The following BCKDHB variants were observed in gnomAD, a reference collection of about 807,000 sequenced individuals.
BCKDHB encodes the protein 2-oxoisovalerate dehydrogenase subunit beta, mitochondrial.
In BCKDHB, 41 loss-of-function variants were observed where a neutral mutation model predicts 48.5. That is an observed-to-expected ratio of 0.85 (90% CI 0.66 to 1.10). The LOEUF (loss-of-function observed/expected upper bound fraction) is 1.10. Among genes scored for constraint, BCKDHB ranks in the 50% least tolerant of loss-of-function variants. The pLI, the probability that BCKDHB is intolerant of heterozygous loss-of-function variation, is 0.00. For missense variants in BCKDHB, 496 were observed against 494.2 expected (o/e 1.00, Z -0.03); for synonymous variants, 201 against 174.8 (o/e 1.15, Z -1.18).
the BCKDHB span, among the ~76,000 whole-genome samples, chr6:80,432,588 T>C: frequency 4.6e-5 from 7 of 152,186 alleles, no homozygotes; most frequent in Admixed American, 3.9e-4. Flanking sequence ...CTAACCTTTT[T>C]TCAAGGTTCT....
At chr6:80,250,077 G>T (rs1776773526) in intron 8 of BCKDHB, among the ~76,000 whole-genome samples, 1 of 151,974 alleles carries the variant, frequency 6.6e-6, no homozygotes, top group Non-Finnish European at 1.5e-5. Context: ...GTGTGGGCTG[G>T]GTTGCAGCCT....
chr6:80,276,026 C>T (rs1038867761), intron 9 of BCKDHB, among the ~76,000 whole-genome samples: 8 of 152,048 alleles, frequency 5.3e-5, no homozygotes, highest in East Asian at 1.9e-4. Context: ...AAAATGTACA[C>T]GGACAACTCT....
chr6:80,401,891 T>A, the BCKDHB span, among the ~76,000 whole-genome samples: 1 of 151,830 alleles, frequency 6.6e-6, no homozygotes, highest in African/African-American at 2.4e-5. Flanking sequence ...CTATTCATAT[T>A]TTTACAAATG....
chr6:80,295,739 C>T (rs1361866856), intron 9 of BCKDHB, among the ~76,000 whole-genome samples: 1 of 152,026 alleles, frequency 6.6e-6, no homozygotes, highest in Non-Finnish European at 1.5e-5. Flanking sequence ...CAAATACGCT[C>T]CAAATTTTGT....
chr6:80,259,763 G>A (rs1777214694), intron 8 of BCKDHB, among the ~76,000 whole-genome samples: 1 of 152,108 alleles, frequency 6.6e-6, no homozygotes, highest in African/African-American at 2.4e-5. Flanking sequence ...CAATTTATAT[G>A]CTTAATAAAA....
chr6:80,295,472 C>T (rs1199620741), intron 9 of BCKDHB, among the ~76,000 whole-genome samples: 1 of 151,956 alleles, frequency 6.6e-6, no homozygotes, highest in Non-Finnish European at 1.5e-5. Flanking sequence ...AAAAGACATG[C>T]CCCCATGATT....
chr6:80,195,163 AT>A (rs5877699), intron 6 of BCKDHB, among the ~76,000 whole-genome samples: 74 of 150,608 alleles, frequency 4.9e-4, no homozygotes, highest in African/African-American at 1.5e-3. Flanking sequence ...AATTCTACAG[AT>A]TTTTTTTTTG....
At chr6:80,431,846 A>G in the BCKDHB span, among the ~76,000 whole-genome samples, 1 of 152,104 alleles carries the variant, frequency 6.6e-6, no homozygotes, top group African/African-American at 2.4e-5. Context: ...TGTCCTATCC[A>G]TGTTTAGTGC....
the BCKDHB span, among the ~76,000 whole-genome samples, chr6:80,407,649 T>A: frequency 6.6e-6 from 1 of 152,152 alleles, no homozygotes; most frequent in African/African-American, 2.4e-5. Context: ...GCTTTGGCTG[T>A]CTGTTTGTCT....
At chr6:80,447,245 A>T in the BCKDHB span, among the ~76,000 whole-genome samples, 1 of 152,118 alleles carries the variant, frequency 6.6e-6, no homozygotes, top group Non-Finnish European at 1.5e-5. Context: ...GCCTTATTAT[A>T]TACTGTTACT....
chr6:80,459,460 G>C, the BCKDHB span, among the ~76,000 whole-genome samples: 57 of 152,168 alleles, frequency 3.7e-4, no homozygotes, highest in African/African-American at 1.3e-3. Context: ...AAGCAATGGT[G>C]GTTACCAAGG....
At chr6:80,151,876 G>A (rs916642792) in intron 3 of BCKDHB, among the ~76,000 whole-genome samples, 1 of 152,088 alleles carries the variant, frequency 6.6e-6, no homozygotes, top group African/African-American at 2.4e-5. Context: ...AGATGATGTT[G>A]GCATGCTGTT....
At chr6:80,314,188 T>G (rs544664399) in intron 9 of BCKDHB, among the ~76,000 whole-genome samples, 19 of 152,346 alleles carry the variant, frequency 1.2e-4, no homozygotes, top group Middle Eastern at 3.4e-3. Flanking sequence ...TGATCCATTT[T>G]AGAGTATATG....
the BCKDHB span, among the ~76,000 whole-genome samples, chr6:80,434,874 T>C: frequency 6.6e-6 from 1 of 152,230 alleles, no homozygotes; most frequent in South Asian, 2.1e-4. Context: ...CTTTGGGCAG[T>C]TTCCTTTTAT....
At chr6:80,374,393 T>C in the BCKDHB span, 3 of 796,564 alleles carry the variant, frequency 3.8e-6, no homozygotes, top group Non-Finnish European at 4.6e-6. Context: ...AACGTCGGAA[T>C]GGTACGCACC....
the BCKDHB span, among the ~76,000 whole-genome samples, chr6:80,355,273 G>A: frequency 2.6e-5 from 4 of 151,762 alleles, no homozygotes; most frequent in Admixed American, 1.3e-4. Context: ...GGTGGTACAC[G>A]CCTGTAATCC....
chr6:80,281,132 G>A (rs754050318), intron 9 of BCKDHB, among the ~76,000 whole-genome samples: 4 of 152,050 alleles, frequency 2.6e-5, no homozygotes, highest in Admixed American at 6.6e-5. Context: ...AATCTAAGGT[G>A]TAGGAAATGG....
the BCKDHB span, among the ~76,000 whole-genome samples, chr6:80,425,565 G>A: frequency 1.3e-5 from 2 of 152,130 alleles, no homozygotes; most frequent in Admixed American, 6.6e-5. Context: ...ATCTAAAATA[G>A]CATGTGTGAA....
At chr6:80,428,214 A>G in the BCKDHB span, among the ~76,000 whole-genome samples, 10 of 152,132 alleles carry the variant, frequency 6.6e-5, no homozygotes, top group African/African-American at 2.2e-4. Flanking sequence ...ATCCTTTTCT[A>G]TGGCTGCATA....
Sources: gnomAD v4.1 joint callset for allele counts (sites outside exome capture counted in the v4.1 genomes callset) on GRCh38, gnomAD v4.1.1 for gene constraint, MANE v1.5 for transcripts, NCBI Gene and HGNC (gene_info 2026-07-23, HGNC 2026-07-21) for gene names.